Variants in NDUFA12 observed in about 807,000 individuals in gnomAD.
The protein encoded by NDUFA12 is NADH:ubiquinone oxidoreductase subunit A12.
In NDUFA12, 17 loss-of-function variants were observed where a neutral mutation model predicts 20.3. That is an observed-to-expected ratio of 0.84 (90% CI 0.57 to 1.26). The LOEUF (loss-of-function observed/expected upper bound fraction) is 1.26, where lower values mean the gene tolerates loss of function less well. NDUFA12 is among the 50% of genes most tolerant of loss of function. The pLI, the probability that NDUFA12 is intolerant of heterozygous loss-of-function variation, is 0.00. For missense variants in NDUFA12, 191 were observed against 183.7 expected, an observed-to-expected ratio of 1.04 and a Z score of -0.23; for synonymous variants, 72 against 63.6, an observed-to-expected ratio of 1.13 and a Z score of -0.63.
At chr12:94,974,387 A>G (rs4923678) in intron 3 of NDUFA12, among the ~76,000 whole-genome samples, 12,191 of 152,226 alleles carry the variant, frequency 0.08, 561 homozygotes, top group East Asian at 0.16. Context: ...ACCCTCAAAC[A>G]CGTTGGTGGG....
intron 1 of NDUFA12, 124 bp downstream of exon 1, chr12:95,003,471 G>T: frequency 3.0e-6 from 3 of 1,016,666 alleles, no homozygotes; most frequent in Non-Finnish European, 4.7e-6. Context: ...GGCAGAGATT[G>T]GGGCGGTTGT....
chr12:95,001,572 G>A lies in NDUFA12; in HGVS notation c.169+1167C>T, dbSNP rs575088855. ...GAGCCCAGAAAGTTGAGGCTGTAGT[G>A]AGCCATGATCGAGTCACTGCACTCT... On this transcript the variant is annotated intron_variant, in intron 2 of 3. Coordinates refer to ENST00000327772, the MANE Select transcript of NDUFA12 (RefSeq NM_018838.5). Among the ~76,000 whole-genome samples the A allele has an allele frequency of 5.3e-5, 8 of 152,052 alleles. No individual in the cohort carries two copies. The South Asian group carries it at 1.7e-3, about 32-fold the overall frequency.
At chr12:94,986,113 A>ATAAG (rs1555200629) in intron 3 of NDUFA12, among the ~76,000 whole-genome samples, 2 of 127,488 alleles carry the variant, frequency 1.6e-5, no homozygotes, top group Middle Eastern at 4.0e-3. Flanking sequence ...AAATAAATAA[A>ATAAG]TAAGCTAGTC....
chr12:94,971,339 C>A lies in NDUFA12; in HGVS notation c.*101G>T, dbSNP rs1189115403. On this transcript the variant is annotated 3_prime_UTR_variant, in exon 4 of 4. Transcript: ENST00000327772. ...AAAGGCACGAAAGACATTGTTTAGTCACACAATTTTAATTGTGAATTATAG... is the reference window on the plus strand; with the variant it reads ...AAAGGCACGAAAGACATTGTTTAGTAACACAATTTTAATTGTGAATTATAG... 3 of 1,346,654 alleles carry A rather than the reference C, an allele frequency of 2.2e-6. No homozygotes were observed. In the East Asian group the frequency reaches 6.9e-5, roughly 31 times the overall value. The allele number at this position is 1,346,654 out of a possible 1,614,324, so 83.4% of individuals were successfully genotyped here.
At chr12:94,979,210 T>C (rs1184322439) in intron 3 of NDUFA12, among the ~76,000 whole-genome samples, 12 of 151,984 alleles carry the variant, frequency 7.9e-5, no homozygotes, top group African/African-American at 2.9e-4. Context: ...CTGTACTCCA[T>C]CCTCGGCAAC....
chr12:94,997,707 G>A (rs1192061386), intron 2 of NDUFA12, among the ~76,000 whole-genome samples: 4 of 152,052 alleles, frequency 2.6e-5, no homozygotes, highest in Middle Eastern at 3.2e-3. Context: ...TCAGATTAGA[G>A]ATGCTAAACT....
At chr12:94,988,862 T>A (rs12368716) in intron 3 of NDUFA12, among the ~76,000 whole-genome samples, 2 of 152,172 alleles carry the variant, frequency 1.3e-5, no homozygotes, top group Non-Finnish European at 2.9e-5. Flanking sequence ...CACTGCCATG[T>A]TGTCTGCTGA....
At chr12:94,981,108 GA>G (rs924384340) in intron 3 of NDUFA12, among the ~76,000 whole-genome samples, 15 of 149,790 alleles carry the variant, frequency 1.0e-4, no homozygotes, top group African/African-American at 2.2e-4. Context: ...AAGAACAAGA[GA>G]AAAAAAAAGA....
intron 3 of NDUFA12, among the ~76,000 whole-genome samples, chr12:94,982,855 T>G (rs889017352): frequency 6.6e-6 from 1 of 152,178 alleles, no homozygotes; most frequent in African/African-American, 2.4e-5. Context: ...AACAATTTTA[T>G]CTGGTTTCCA....
intron 3 of NDUFA12, chr12:94,972,404 A>G (rs1268031079): frequency 2.3e-6 from 1 of 443,966 alleles, no homozygotes; most frequent in East Asian, 7.1e-5. Flanking sequence ...CAGTATTACT[A>G]TTAGGTGCTA....
At chr12:94,980,668 A>G (rs115532194) in intron 3 of NDUFA12, among the ~76,000 whole-genome samples, 135 of 152,348 alleles carry the variant, frequency 8.9e-4, no homozygotes, top group African/African-American at 3.1e-3. Flanking sequence ...ATTAATTTTA[A>G]TAAGAAAAAT....
rs865985042 is a variant in NDUFA12, at chr12:95,002,880, C to A, written c.87-59G>T. 1.2e-5 allele frequency: 18 copies of A among 1,471,866 alleles called. No individual in the cohort carries two copies. In the South Asian group the frequency reaches 1.7e-4, roughly 14 times the overall value. 91.2% of individuals were successfully genotyped at this position (1,471,866 alleles called of 1,614,324 possible). A position where few individuals can be genotyped will look rare whatever the true frequency, so the allele number is the denominator to read the frequency against. On this transcript the variant is annotated intron_variant, in intron 1 of 3. Transcript: ENST00000327772. The stretch of plus-strand genomic sequence containing the variant: ...AATGATTCTTAGTTCAAAACATAAA[C>A]GGAAATAAAGTGAGAGTAACAACTT...
intron 3 of NDUFA12, among the ~76,000 whole-genome samples, chr12:94,993,843 A>G (rs1388561572): frequency 2.6e-5 from 4 of 152,110 alleles, no homozygotes; most frequent in Admixed American, 6.6e-5. Context: ...CTAAGACAGG[A>G]GAATCGCTTG....
intron 2 of NDUFA12, among the ~76,000 whole-genome samples, chr12:94,996,097 A>C (rs912928652): frequency 6.6e-6 from 1 of 151,448 alleles, no homozygotes; most frequent in African/African-American, 2.4e-5. Flanking sequence ...AGTCCCAGCT[A>C]CTCTCAAGGC....
chr12:94,997,484 G>A (rs1033509329), intron 2 of NDUFA12: 2 of 152,178 alleles, frequency 1.3e-5, no homozygotes, highest in Non-Finnish European at 2.9e-5. Flanking sequence ...CCTGGATGAA[G>A]ACTAATTGCT....
chr12:94,985,100 ATTAT>A lies in NDUFA12; in HGVS notation c.257+9066_257+9069del, dbSNP rs1319617889. Among the ~76,000 whole-genome samples the A allele has an allele frequency of 2.6e-5, 4 of 151,528 alleles. 1 individual carries two copies. The highest frequency in any genetic ancestry group is 7.3e-5 in the African/African-American group (3 of 41,216). On this transcript the variant is annotated intron_variant, in intron 3 of 3. Transcript: ENST00000327772. ...CATTTTGATAGGCCAAGGTGGGAGG[ATTAT>A]TTGAGGCCAGGAGTTACAGACCTGC...
chr12:94,993,146 C>T (rs974253706), intron 3 of NDUFA12, among the ~76,000 whole-genome samples: 1 of 151,930 alleles, frequency 6.6e-6, no homozygotes, highest in African/African-American at 2.4e-5. Context: ...ATTGCTTGAG[C>T]CCAGGAGTTC....
At position 94,973,968 on chromosome 12, in the gene NDUFA12, C is replaced by CTTTTT. The variant is rs35862087; in HGVS notation, c.258-2353_258-2349dup. Among the ~76,000 whole-genome samples the CTTTTT allele has an allele frequency of 6.9e-5, 7 of 100,954 alleles. 1 individual carries two copies. The highest frequency in any genetic ancestry group is 6.2e-4 in the East Asian group (2 of 3,244). The allele number at this position is 100,954 out of a possible 152,430, so 66.2% of individuals were successfully genotyped here. ...TTACTTGCAAAACAGACTCTTGGGT[C>CTTTTT]TTTTTTTTTTTTTTTTTTTTTGAGA... On this transcript the variant is annotated intron_variant, in intron 3 of 3. Coordinates refer to ENST00000327772, the MANE Select transcript of NDUFA12 (RefSeq NM_018838.5).
At chr12:94,982,628 A>T (rs948754313) in intron 3 of NDUFA12, among the ~76,000 whole-genome samples, 1 of 152,114 alleles carries the variant, frequency 6.6e-6, no homozygotes, top group African/African-American at 2.4e-5. Context: ...AGATGAGAGC[A>T]TCATGAGACA....
Sources: allele counts gnomAD v4.1 joint callset (sites outside exome capture counted in the v4.1 genomes callset), GRCh38; gene constraint gnomAD v4.1.1; transcripts MANE v1.5; gene names NCBI Gene and HGNC (gene_info 2026-07-23, HGNC 2026-07-21).